CNTNAP2: variants seen among roughly 807,000 people sequenced by gnomAD.
CNTNAP2 encodes contactin associated protein 2.
Under a neutral mutation model 155.2 loss-of-function variants are expected in CNTNAP2, and 98 were observed. That is an observed-to-expected ratio of 0.63 (90% CI 0.54 to 0.75). The LOEUF (loss-of-function observed/expected upper bound fraction) is 0.75. CNTNAP2 is among the 30% of genes least tolerant of loss of function. CNTNAP2 has a pLI of 0.00. For synonymous variants in CNTNAP2, 651 were observed against 631.2 expected, an observed-to-expected ratio of 1.03 and a Z score of -0.47; for missense variants, 1,727 against 1,688.1, an observed-to-expected ratio of 1.02 and a Z score of -0.40.
At chr7:148,035,370 G>A (rs569064915) in intron 15 of CNTNAP2, among the ~76,000 whole-genome samples, 1 of 152,294 alleles carries the variant, frequency 6.6e-6, no homozygotes, top group South Asian at 2.1e-4. Context: ...AATGGTTTCA[G>A]AGGAGAGTCT....
chr7:147,373,564 G>A (rs1275085098), intron 9 of CNTNAP2, among the ~76,000 whole-genome samples: 1 of 152,020 alleles, frequency 6.6e-6, no homozygotes, highest in East Asian at 1.9e-4. Context: ...TGAGAACATT[G>A]AAATACTGTT....
At chr7:147,141,914 A>G (rs199582942) in intron 8 of CNTNAP2, among the ~76,000 whole-genome samples, 1 of 152,140 alleles carries the variant, frequency 6.6e-6, no homozygotes, top group East Asian at 1.9e-4. Flanking sequence ...GTTTCCCATT[A>G]CTAAAGAATA....
intron 8 of CNTNAP2, among the ~76,000 whole-genome samples, chr7:147,148,774 A>G (rs1278378426): frequency 1.3e-5 from 2 of 152,152 alleles, no homozygotes; most frequent in East Asian, 3.9e-4. Flanking sequence ...TGGAGGGTTC[A>G]TGGTCTCACT....
At chr7:147,997,593 G>C (rs1249919577) in intron 15 of CNTNAP2, among the ~76,000 whole-genome samples, 1 of 151,986 alleles carries the variant, frequency 6.6e-6, no homozygotes, top group African/African-American at 2.4e-5. Flanking sequence ...GAGACGCACA[G>C]TGAAGCGGGT....
chr7:146,410,688 C>T (rs530512564), intron 1 of CNTNAP2, among the ~76,000 whole-genome samples: 4 of 152,206 alleles, frequency 2.6e-5, no homozygotes, highest in African/African-American at 9.6e-5. Flanking sequence ...GTGTTGGACC[C>T]TTCTATGTGC....
At chr7:146,759,820 AG>A (rs1190741345) in intron 1 of CNTNAP2, among the ~76,000 whole-genome samples, 2 of 152,204 alleles carry the variant, frequency 1.3e-5, no homozygotes, top group South Asian at 2.1e-4. Flanking sequence ...TTATGGAAAA[AG>A]GTTCGCAGTT....
At chr7:146,225,336 A>G (rs1562996751) in intron 1 of CNTNAP2, among the ~76,000 whole-genome samples, 1 of 152,228 alleles carries the variant, frequency 6.6e-6, no homozygotes, top group Admixed American at 6.5e-5. Context: ...TTGAAAATAT[A>G]TCACATCCAG....
chr7:146,177,379 A>C (rs574185098), intron 1 of CNTNAP2, among the ~76,000 whole-genome samples: 3 of 152,234 alleles, frequency 2.0e-5, no homozygotes, highest in East Asian at 1.9e-4. Flanking sequence ...TGAAGAAAAA[A>C]AACAACAACA....
chr7:147,339,874 A>G (rs190079724), intron 9 of CNTNAP2, among the ~76,000 whole-genome samples: 2 of 152,298 alleles, frequency 1.3e-5, no homozygotes, highest in Non-Finnish European at 2.9e-5. Flanking sequence ...AGGTCATAGT[A>G]AGTGAAAAGG....
intron 18 of CNTNAP2, among the ~76,000 whole-genome samples, chr7:148,216,990 C>T (rs1795650006): frequency 6.6e-6 from 1 of 152,206 alleles, no homozygotes; most frequent in Non-Finnish European, 1.5e-5. Flanking sequence ...GTGAGGCCTC[C>T]CCAGCCATAT....
chr7:147,071,018 A>T lies in CNTNAP2; in HGVS notation c.550+26964A>T, dbSNP rs573262073. Among the ~76,000 whole-genome samples the T allele has an allele frequency of 3.0e-4, 46 of 151,828 alleles. No individual in the cohort carries two copies. In the South Asian group the frequency reaches 9.6e-3, roughly 32 times the overall value. ...GTTTGGCCTCTCTTTTTCTCCCAGGACCTCATTATGTATCCCTCTGTGTCT... is the reference window on the plus strand; with the variant it reads ...GTTTGGCCTCTCTTTTTCTCCCAGGTCCTCATTATGTATCCCTCTGTGTCT... On this transcript the variant is annotated intron_variant, in intron 4 of 23. Coordinates refer to ENST00000361727, the MANE Select transcript of CNTNAP2 (RefSeq NM_014141.6).
At chr7:147,355,992 T>C (rs1796056424) in intron 9 of CNTNAP2, among the ~76,000 whole-genome samples, 1 of 151,964 alleles carries the variant, frequency 6.6e-6, no homozygotes, top group Admixed American at 6.6e-5. Flanking sequence ...GAAAAGAAAA[T>C]TTCAGGGCAA....
At chr7:146,575,370 C>T (rs573313811) in intron 1 of CNTNAP2, among the ~76,000 whole-genome samples, 1 of 152,306 alleles carries the variant, frequency 6.6e-6, no homozygotes, top group South Asian at 2.1e-4. Context: ...CCGCCTCAGC[C>T]TCCCAAAGTG....
At chr7:147,210,127 C>G (rs918411951) in intron 8 of CNTNAP2, among the ~76,000 whole-genome samples, 2 of 151,812 alleles carry the variant, frequency 1.3e-5, no homozygotes, top group Non-Finnish European at 2.9e-5. Flanking sequence ...TAGGGTGGAA[C>G]CCCTCCTCCT....
intron 1 of CNTNAP2, among the ~76,000 whole-genome samples, chr7:146,755,278 T>C (rs919348077): frequency 5.3e-5 from 8 of 152,032 alleles, no homozygotes; most frequent in African/African-American, 1.9e-4. Context: ...AGAGAATGTC[T>C]GCAATCTATA....
intron 1 of CNTNAP2, among the ~76,000 whole-genome samples, chr7:146,203,895 G>A (rs368678045): frequency 6.6e-6 from 1 of 152,094 alleles, no homozygotes; most frequent in African/African-American, 2.4e-5. Context: ...TTCTGAAATT[G>A]AAAATAACCA....
chr7:147,029,126 G>C (rs192379672), intron 3 of CNTNAP2, among the ~76,000 whole-genome samples: 420 of 151,924 alleles, frequency 2.8e-3, no homozygotes, highest in African/African-American at 9.7e-3. Flanking sequence ...ACCACGCCCA[G>C]CTAATTTTTT....
chr7:148,213,225 C>A (rs1419694078), intron 18 of CNTNAP2, among the ~76,000 whole-genome samples: 4 of 152,172 alleles, frequency 2.6e-5, no homozygotes, highest in African/African-American at 9.7e-5. Context: ...AACCCCTGAG[C>A]TAAATTCTGG....
At chr7:146,444,926 G>T (rs1393803486) in intron 1 of CNTNAP2, among the ~76,000 whole-genome samples, 1 of 151,426 alleles carries the variant, frequency 6.6e-6, no homozygotes, top group Non-Finnish European at 1.5e-5. Context: ...CAAAATGCTG[G>T]GATTACAGGC....
Sources: allele counts gnomAD v4.1 joint callset (sites outside exome capture counted in the v4.1 genomes callset), GRCh38; gene constraint gnomAD v4.1.1; transcripts MANE v1.5; gene names NCBI Gene and HGNC (gene_info 2026-07-23, HGNC 2026-07-21).